The following ADAM22 variants were observed in gnomAD, a reference collection of about 807,000 sequenced individuals.
ADAM22 encodes the protein ADAM metallopeptidase domain 22.
In ADAM22, 65 loss-of-function variants were observed where a neutral mutation model predicts 144.6. The observed-to-expected ratio is 0.45, with a 90% CI of 0.37 to 0.55. ADAM22 has a LOEUF of 0.55. Ranked by LOEUF, ADAM22 falls within the 20% of genes least tolerant of loss-of-function variation. The pLI is 0.00. For synonymous variants in ADAM22, 391 were observed against 412.6 expected, an observed-to-expected ratio of 0.95 and a Z score of 0.63; for missense variants, 974 against 1,184.9, an observed-to-expected ratio of 0.82 and a Z score of 2.61.
At chr7:88,135,864 TACTTTTTAAAAGGC>T in intron 13 of ADAM22, 102 bp from the exon 14 acceptor site, 1 of 775,808 alleles carries the variant, frequency 1.3e-6, no homozygotes, top group East Asian at 3.0e-5. Context: ...AAGAAGTTAC[TACTTTTTAAAAGGC>T]ATTTTAAGGA....
intron 4 of ADAM22, among the ~76,000 whole-genome samples, chr7:88,107,625 G>T (rs1370012155): frequency 6.6e-6 from 1 of 151,644 alleles, no homozygotes; most frequent in Non-Finnish European, 1.5e-5. Context: ...CACTCTTTTT[G>T]TCCAGGCTGG....
intron 2 of ADAM22, among the ~76,000 whole-genome samples, chr7:87,968,971 C>T (rs775620387): frequency 5.3e-5 from 8 of 152,094 alleles, no homozygotes; most frequent in Non-Finnish European, 1.2e-4. Flanking sequence ...AGATGCTACA[C>T]ACTTTTAAAC....
chr7:88,053,563 AGAAGGAAGGAGGAAAG>A (rs1807126401), intron 3 of ADAM22, among the ~76,000 whole-genome samples: 1 of 148,282 alleles, frequency 6.7e-6, no homozygotes, highest in Non-Finnish European at 1.5e-5. Flanking sequence ...AAAGAAAGAA[AGAAGGAAGGAGGAAAG>A]GAAGGAAGGA....
intron 29 of ADAM22, 101 bp downstream of exon 29, chr7:88,182,125 C>T: frequency 9.3e-7 from 1 of 1,072,896 alleles, no homozygotes; most frequent in Admixed American, 2.5e-5. Context: ...AACCATGTCT[C>T]CGGTCTTGGT....
Position 87,938,840 on chromosome 7 carries a change from A to G in ADAM22, c.246+3654A>G, listed in dbSNP as rs188942633. Reference sequence around the variant, plus strand: ...AATTTTTTGTATTTTTAGTAGAGACAGGGTTTCACCATGTTAGCCAGGATG... The same window carrying G: ...AATTTTTTGTATTTTTAGTAGAGACGGGGTTTCACCATGTTAGCCAGGATG... On this transcript the variant is annotated intron_variant, in intron 2 of 31. Coordinates refer to ENST00000413139, the MANE Select transcript of ADAM22 (RefSeq NM_001324418.2). Among the ~76,000 whole-genome samples, 960 of 152,068 alleles carry G rather than the reference A, an allele frequency of 6.3e-3. 13 individuals are homozygous for G. Among genetic ancestry groups the G allele is most frequent in the African/African-American group, 0.022 (902 of 41,476 alleles).
At chr7:88,014,078 T>G (rs1796035928) in intron 3 of ADAM22, among the ~76,000 whole-genome samples, 1 of 152,182 alleles carries the variant, frequency 6.6e-6, no homozygotes, top group Admixed American at 6.5e-5. Flanking sequence ...CTGATATATG[T>G]TAGTATGATT....
At chr7:88,082,587 A>G (rs1420916809) in intron 4 of ADAM22, among the ~76,000 whole-genome samples, 1 of 152,240 alleles carries the variant, frequency 6.6e-6, no homozygotes, top group East Asian at 1.9e-4. Context: ...CAGCCTACTC[A>G]TCTGACAAAG....
chr7:88,139,784 A>G (rs1834077836), intron 14 of ADAM22, among the ~76,000 whole-genome samples: 1 of 152,156 alleles, frequency 6.6e-6, no homozygotes, highest in South Asian at 2.1e-4. Flanking sequence ...ATGAGGTGTG[A>G]TCTGATTGGA....
chr7:88,163,900 C>G (rs1401462189), intron 23 of ADAM22, among the ~76,000 whole-genome samples: 1 of 152,008 alleles, frequency 6.6e-6, no homozygotes, highest in Non-Finnish European at 1.5e-5. Flanking sequence ...CTATGGCATT[C>G]TTTTTATTTT....
At position 88,151,295 on chromosome 7, in the gene ADAM22, A is replaced by G; in HGVS notation, c.1656A>G (p.Arg552=). ...CFGGRCKTRD[R]QCKYIWGQKV... ...GAGGAAGATGCAAAACCAGAGATAG[A>G]CAATGCAAATACATTTGGGGGCAAA... Residue 552 remains arginine, a synonymous_variant, in exon 20 of 32, where the codon AGA becomes AGG. Transcript: ENST00000413139. 1.2e-6 allele frequency: 2 copies of G among 1,614,170 alleles called. No individual in the cohort carries two copies. Among genetic ancestry groups the G allele is most frequent in the Non-Finnish European group, 1.7e-6 (2 of 1,180,006 alleles).
At chr7:88,111,820 A>G (rs1368781976) in intron 5 of ADAM22, among the ~76,000 whole-genome samples, 1 of 152,198 alleles carries the variant, frequency 6.6e-6, no homozygotes, top group African/African-American at 2.4e-5. Flanking sequence ...TAAGGAATTA[A>G]TAATGGCATA....
chr7:87,935,205 G>T lies in ADAM22; in HGVS notation c.246+19G>T. On this transcript the variant is annotated intron_variant, in intron 2 of 31. Transcript: ENST00000413139. ...CCCGCAGGTGAGAGGCTCGGTCCGG[G>T]AGGTGGTCCTCCGCGCCTCCCGGCC... The T allele has an allele frequency of 6.4e-7, 1 of 1,569,912 alleles. No homozygotes were observed. The highest frequency in any genetic ancestry group is 8.6e-7 in the Non-Finnish European group (1 of 1,158,126).
At chr7:88,037,528 C>T (rs1439094340) in intron 3 of ADAM22, among the ~76,000 whole-genome samples, 3 of 152,108 alleles carry the variant, frequency 2.0e-5, no homozygotes, top group Non-Finnish European at 1.5e-5. Flanking sequence ...AGTCTGCCTG[C>T]TGTCCAATTT....
At chr7:88,146,024 C>T (rs141566704) in intron 17 of ADAM22, among the ~76,000 whole-genome samples, 84 of 152,242 alleles carry the variant, frequency 5.5e-4, no homozygotes, top group African/African-American at 1.9e-3. Flanking sequence ...GTTTAGAATG[C>T]ATCTTTACAC....
intron 3 of ADAM22, among the ~76,000 whole-genome samples, chr7:88,054,712 T>C (rs1807720445): frequency 6.6e-6 from 1 of 151,968 alleles, no homozygotes. Flanking sequence ...TCGTGGGTTC[T>C]TTGTACATTC....
At chr7:87,935,405 G>T (rs1841004011) in intron 2 of ADAM22, among the ~76,000 whole-genome samples, 1 of 152,232 alleles carries the variant, frequency 6.6e-6, no homozygotes, top group Non-Finnish European at 1.5e-5. Flanking sequence ...CCCGAGGGGA[G>T]TTTGTGCGGG....
chr7:87,935,712 T>G (rs1841089131), intron 2 of ADAM22, among the ~76,000 whole-genome samples: 1 of 152,212 alleles, frequency 6.6e-6, no homozygotes, highest in Non-Finnish European at 1.5e-5. Context: ...GATATGCCCA[T>G]TCACCCCTAC....
At chr7:87,934,607 G>T in intron 1 of ADAM22, 57 bp downstream of exon 1, 7 of 1,506,340 alleles carry the variant, frequency 4.6e-6, no homozygotes, top group Non-Finnish European at 5.4e-6. Context: ...AATCTTTGGA[G>T]CCCTCAGGCG....
At chr7:87,939,503 C>T (rs1842036273) in intron 2 of ADAM22, among the ~76,000 whole-genome samples, 1 of 152,126 alleles carries the variant, frequency 6.6e-6, no homozygotes, top group African/African-American at 2.4e-5. Context: ...ATTTTAATTT[C>T]AAAGAGCACG....
Sources: allele counts gnomAD v4.1 joint callset (sites outside exome capture counted in the v4.1 genomes callset), GRCh38; gene constraint gnomAD v4.1.1; transcripts MANE v1.5; gene names NCBI Gene and HGNC (gene_info 2026-07-23, HGNC 2026-07-21).